GSE1: variants seen among roughly 807,000 people sequenced by gnomAD.
GSE1 encodes Gse1 coiled-coil protein.
In GSE1, 32 loss-of-function variants were observed where a neutral mutation model predicts 112.6. That is an observed-to-expected ratio of 0.28 (90% CI 0.21 to 0.38). The LOEUF (loss-of-function observed/expected upper bound fraction) is 0.38. Among genes scored for constraint, GSE1 ranks in the 10% least tolerant of loss-of-function variants. GSE1 has a pLI of 1.00. For synonymous variants in GSE1, 1,115 were observed against 735.6 expected, an observed-to-expected ratio of 1.52 and a Z score of -8.35; for missense variants, 2,348 against 1,699.2, an observed-to-expected ratio of 1.38 and a Z score of -6.71.
chr16:85,655,645 C>T (rs1266661723), intron 5 of GSE1, 81 bp from the exon 6 acceptor site: 1 of 876,766 alleles, frequency 1.1e-6, no homozygotes, highest in Non-Finnish European at 1.8e-6. Context: ...GTGTGTGTAC[C>T]TGGCTGAGAC....
At chr16:85,591,031 T>A (rs1027435112) in intron 1 of GSE1, among the ~76,000 whole-genome samples, 4 of 152,180 alleles carry the variant, frequency 2.6e-5, no homozygotes, top group African/African-American at 9.7e-5. Context: ...GAGGTGCCTG[T>A]GTCCCGAGGG....
At chr16:85,356,606 C>A (rs1309205795) in intron 1 of GSE1, among the ~76,000 whole-genome samples, 1 of 152,234 alleles carries the variant, frequency 6.6e-6, no homozygotes. Context: ...TGTTCTCCTG[C>A]AATAAATGAA....
At chr16:85,367,684 C>T (rs943534480) in intron 2 of GSE1, among the ~76,000 whole-genome samples, 2 of 152,192 alleles carry the variant, frequency 1.3e-5, no homozygotes, top group African/African-American at 2.4e-5. Context: ...ACCATGAAGG[C>T]GGGGACCGTG....
chr16:85,652,028 C>T (rs1431550067), intron 3 of GSE1, among the ~76,000 whole-genome samples: 4 of 151,810 alleles, frequency 2.6e-5, no homozygotes, highest in Non-Finnish European at 5.9e-5. Flanking sequence ...AGAAGCCCAG[C>T]CTGGAAATAG....
chr16:85,315,791 C>T (rs2045972943), intron 1 of GSE1, among the ~76,000 whole-genome samples: 1 of 152,224 alleles, frequency 6.6e-6, no homozygotes, highest in Non-Finnish European at 1.5e-5. Flanking sequence ...ATGAACTGGG[C>T]ACCCTGTATT....
Position 85,648,625 on chromosome 16 carries a change from C to G in GSE1, c.300C>G (p.Pro100=), listed in dbSNP as rs2051079336. Residue 100 remains proline, a synonymous_variant, in exon 3 of 16, where the codon CCC becomes CCG. Transcript: ENST00000253458. ...ATNHSSPAST[P]KRVPMGPIIV... The stretch of plus-strand genomic sequence containing the variant: ...ACCACAGCTCCCCCGCCAGCACACC[C>G]AAGCGCGTGCCCATGGGCCCTATCA... 6.2e-7 allele frequency: 1 copy of G among 1,607,328 alleles called. No individual in the cohort carries two copies. The highest frequency in any genetic ancestry group is 8.5e-7 in the Non-Finnish European group (1 of 1,176,168).
intron 1 of GSE1, among the ~76,000 whole-genome samples, chr16:85,293,761 C>T (rs532103367): frequency 1.3e-5 from 2 of 152,316 alleles, no homozygotes; most frequent in African/African-American, 4.8e-5. Context: ...TCTCCGATCA[C>T]TGAACTTCAT....
intron 12 of GSE1, among the ~76,000 whole-genome samples, chr16:85,665,720 C>T (rs2052794031): frequency 6.6e-6 from 1 of 152,248 alleles, no homozygotes; most frequent in South Asian, 2.1e-4. Context: ...GCCTCCGTGG[C>T]TGGGGGACTT....
At chr16:85,310,548 G>T (rs1225567378) in intron 1 of GSE1, among the ~76,000 whole-genome samples, 1 of 127,296 alleles carries the variant, frequency 7.9e-6, no homozygotes, top group Non-Finnish European at 1.6e-5. Flanking sequence ...CCACCTCTCA[G>T]ATCCTGTCAC....
At chr16:85,290,166 G>C (rs2045165066) in intron 1 of GSE1, among the ~76,000 whole-genome samples, 1 of 152,142 alleles carries the variant, frequency 6.6e-6, no homozygotes, top group Non-Finnish European at 1.5e-5. Context: ...TTCCCTGCGT[G>C]GGAAGGGTCG....
intron 1 of GSE1, among the ~76,000 whole-genome samples, chr16:85,272,798 C>T (rs1221215181): frequency 2.2e-5 from 3 of 136,746 alleles, no homozygotes; most frequent in East Asian, 2.1e-4. Context: ...TTTTTTTTGA[C>T]GGAGTTTCAC....
chr16:85,667,387 G>A (rs2052954553), intron 13 of GSE1, among the ~76,000 whole-genome samples: 1 of 152,260 alleles, frequency 6.6e-6, no homozygotes, highest in Non-Finnish European at 1.5e-5. Flanking sequence ...GTGTGCTCCT[G>A]AGGATGTCAC....
chr16:85,427,999 A>G (rs1597725248), intron 2 of GSE1, among the ~76,000 whole-genome samples: 1 of 152,196 alleles, frequency 6.6e-6, no homozygotes, highest in Admixed American at 6.5e-5. Flanking sequence ...TTACAGTTGG[A>G]CCCAGCCACA....
chr16:85,512,359 C>T (rs373053875), intron 2 of GSE1, among the ~76,000 whole-genome samples: 23 of 152,202 alleles, frequency 1.5e-4, no homozygotes, highest in East Asian at 1.2e-3. Context: ...CCCAGGACAG[C>T]GTCTTGCAGC....
intron 1 of GSE1, among the ~76,000 whole-genome samples, chr16:85,266,483 T>G (rs558364774): frequency 2.6e-4 from 39 of 152,250 alleles, no homozygotes; most frequent in Non-Finnish European, 5.1e-4. Flanking sequence ...CACAAGGACC[T>G]GTTTCTTCCC....
chr16:85,620,330 C>T (rs1011243376), intron 1 of GSE1, among the ~76,000 whole-genome samples: 11 of 152,190 alleles, frequency 7.2e-5, no homozygotes, highest in African/African-American at 2.7e-4. Flanking sequence ...TTCACCCAGT[C>T]TCGGGATGTG....
intron 2 of GSE1, among the ~76,000 whole-genome samples, chr16:85,492,968 G>A (rs1187048861): frequency 6.6e-6 from 1 of 152,238 alleles, no homozygotes; most frequent in East Asian, 1.9e-4. Flanking sequence ...CGTCCTGAGA[G>A]TATGTGATCG....
chr16:85,557,384 A>G (rs1375641053), intron 1 of GSE1, among the ~76,000 whole-genome samples: 1 of 151,690 alleles, frequency 6.6e-6, no homozygotes, highest in African/African-American at 2.4e-5. Flanking sequence ...GACACACGGT[A>G]CCTAATGAAG....
chr16:85,615,296 TAG>T (rs1044568911), intron 1 of GSE1, among the ~76,000 whole-genome samples: 4 of 152,084 alleles, frequency 2.6e-5, no homozygotes, highest in African/African-American at 9.7e-5. Context: ...CCCGCCCAGG[TAG>T]ATTCAGGAGC....
Sources: gnomAD v4.1 joint callset for allele counts (sites outside exome capture counted in the v4.1 genomes callset) on GRCh38, gnomAD v4.1.1 for gene constraint, MANE v1.5 for transcripts, NCBI Gene and HGNC (gene_info 2026-07-23, HGNC 2026-07-21) for gene names.